Variants in PXDN observed in about 807,000 individuals in gnomAD.
PXDN encodes the protein peroxidasin, also known as peroxidasin homolog.
PXDN carries 77 observed loss-of-function variants against 140.3 expected under a neutral mutation model. The ratio of observed to expected loss-of-function variants is 0.55; its 90% CI spans 0.46 to 0.66. The LOEUF (loss-of-function observed/expected upper bound fraction) is 0.66. PXDN is among the 30% of genes least tolerant of loss of function. The pLI is 0.00. For missense variants in PXDN, 1,838 were observed against 2,039.5 expected (o/e 0.90, Z 1.90); for synonymous variants, 911 against 857.4 (o/e 1.06, Z -1.09).
chr2:1,697,773 G>A (rs1001254988), intron 1 of PXDN, among the ~76,000 whole-genome samples: 1 of 152,162 alleles, frequency 6.6e-6, no homozygotes, highest in African/African-American at 2.4e-5. Flanking sequence ...CAGATGTGGC[G>A]GCGTGGTCCT....
chr2:1,715,453 C>CT (rs1473716186), intron 1 of PXDN, among the ~76,000 whole-genome samples: 2 of 152,200 alleles, frequency 1.3e-5, no homozygotes, highest in Admixed American at 1.3e-4. Context: ...GAAGGGGGAA[C>CT]TCAACTCAGC....
chr2:1,663,434 G>C (rs1683352277), intron 12 of PXDN, among the ~76,000 whole-genome samples, 171 bp downstream of exon 12: 1 of 152,174 alleles, frequency 6.6e-6, no homozygotes, highest in Non-Finnish European at 1.5e-5. Flanking sequence ...GATTGAATGA[G>C]CTACTATGCA....
chr2:1,648,274 G>T lies in PXDN; in HGVS notation c.3506C>A (p.Pro1169His). The T allele has an allele frequency of 1.9e-6, 3 of 1,613,950 alleles. No individual in the cohort carries two copies. The highest frequency in any genetic ancestry group is 1.7e-6 in the Non-Finnish European group (2 of 1,179,886). Residue 1169 changes from proline (P) to histidine (H), a missense_variant, in exon 17 of 23, where the codon CCC becomes CAC. Pro to His is a moderately conservative substitution (Grantham distance 77). Around this residue, in one of 5 missense-constraint regions of PXDN, gnomAD observed 850 missense variants for 894.1 expected, o/e 0.95. Transcript: ENST00000252804. The surrounding 1 kb of genome is among the most constrained non-coding windows in gnomAD (Gnocchi z 8.9). ...IQRGRDHGIP[P>H]YHDYRVYCNL... ...GCAGTAGACCCTGTAGTCGTGGTAG[G>T]GTGGGATCCCGTGGTCCCGGCCCCG...
At position 1,660,016 on chromosome 2, in the gene PXDN, G is replaced by A. The variant is rs10439524; in HGVS notation, c.1837+865C>T. On this transcript the variant is annotated intron_variant, in intron 14 of 22. Transcript: ENST00000252804. This position sits in a 1 kb window ranked among gnomAD's most constrained non-coding sequence, Gnocchi z 4.6. ...CGGGGAGTGGGGTGATGGCCAGAGGGTCCTTTACCCCGTGAAGGGGGGTTT... is the reference window on the plus strand; with the variant it reads ...CGGGGAGTGGGGTGATGGCCAGAGGATCCTTTACCCCGTGAAGGGGGGTTT... Among the ~76,000 whole-genome samples the A allele has an allele frequency of 0.072, 10,994 of 152,220 alleles. 506 individuals carry two copies. The highest frequency in any genetic ancestry group is 0.1 in the Non-Finnish European group (6,933 of 68,006).
At chr2:1,655,039 C>T (rs1289743516) in intron 14 of PXDN, among the ~76,000 whole-genome samples, 3 of 151,550 alleles carry the variant, frequency 2.0e-5, no homozygotes, top group African/African-American at 4.9e-5. Context: ...CCACACACCA[C>T]ACACACACAA....
intron 1 of PXDN, among the ~76,000 whole-genome samples, chr2:1,717,166 G>C (rs561921139): frequency 6.6e-6 from 1 of 152,348 alleles, no homozygotes; most frequent in East Asian, 1.9e-4. Context: ...CTGGCCATGA[G>C]AAAGCTCCCT....
intron 21 of PXDN, among the ~76,000 whole-genome samples, chr2:1,637,723 T>C (rs1272142848): frequency 7.7e-6 from 1 of 129,276 alleles, no homozygotes; most frequent in Non-Finnish European, 1.7e-5. Context: ...GCCTGGGGGA[T>C]GTACACCTGG....
At chr2:1,634,933 C>A (rs1489490243) in intron 22 of PXDN, among the ~76,000 whole-genome samples, 2 of 152,236 alleles carry the variant, frequency 1.3e-5, no homozygotes, top group African/African-American at 4.8e-5. Context: ...GCACCCTCCA[C>A]CTGCCACCAG....
At chr2:1,713,367 T>C (rs1212538571) in intron 1 of PXDN, among the ~76,000 whole-genome samples, 3 of 152,206 alleles carry the variant, frequency 2.0e-5, no homozygotes, top group African/African-American at 4.8e-5. Context: ...CTTCCATCCC[T>C]GCGAAAAGAA....
intron 2 of PXDN, 33 bp from the exon 3 acceptor site, chr2:1,692,032 A>G: frequency 7.1e-7 from 1 of 1,406,924 alleles, no homozygotes; most frequent in Non-Finnish European, 9.6e-7. Flanking sequence ...ATTTTAAAAA[A>G]CAACAGAAAA....
chr2:1,742,447 G>C (rs1307926697), intron 1 of PXDN, among the ~76,000 whole-genome samples: 2 of 152,234 alleles, frequency 1.3e-5, no homozygotes, highest in African/African-American at 2.4e-5. Flanking sequence ...TCTACTCTCA[G>C]CTCCTTTTTC....
In PXDN at chr2:1,680,117, AGAT is replaced by A. The variant is rs1330336062; in HGVS notation, c.730+73_730+75del. The A allele has an allele frequency of 7.2e-6, 10 of 1,385,442 alleles. No homozygotes were observed. In the East Asian group the frequency reaches 2.3e-4, roughly 32 times the overall value. 85.8% of individuals were successfully genotyped at this position (1,385,442 alleles called of 1,614,324 possible). A position where few individuals can be genotyped will look rare whatever the true frequency, so the allele number is the denominator to read the frequency against. ...TGTGGTGTGTGGATGTTGTGTGTGT[AGAT>A]GGTGTGTGTGTGGATGGTGTGTGTG... On this transcript the variant is annotated intron_variant, in intron 7 of 22. Transcript: ENST00000252804.
At chr2:1,715,195 G>T (rs1202462964) in intron 1 of PXDN, among the ~76,000 whole-genome samples, 1 of 152,088 alleles carries the variant, frequency 6.6e-6, no homozygotes, top group Non-Finnish European at 1.5e-5. Flanking sequence ...ATTTCATTCT[G>T]CCCCAGAAAG....
intron 6 of PXDN, among the ~76,000 whole-genome samples, chr2:1,681,690 CA>C (rs1683911277): frequency 6.6e-6 from 1 of 152,086 alleles, no homozygotes; most frequent in Admixed American, 6.5e-5. Context: ...GCACAGCTCT[CA>C]GGTGAGGAGG....
At chr2:1,691,513 C>T (rs1297890150) in intron 3 of PXDN, among the ~76,000 whole-genome samples, 1 of 152,188 alleles carries the variant, frequency 6.6e-6, no homozygotes, top group Admixed American at 6.5e-5. Flanking sequence ...TTAGTTATTT[C>T]GAGTTTACAT....
At chr2:1,656,499 C>G (rs1049933323) in intron 14 of PXDN, among the ~76,000 whole-genome samples, 1 of 152,154 alleles carries the variant, frequency 6.6e-6, no homozygotes, top group Non-Finnish European at 1.5e-5. Context: ...GGACCTGCCC[C>G]CTCTTGACAG....
Position 1,666,716 on chromosome 2 carries a change from G to A in PXDN, c.1019-230C>T, listed in dbSNP as rs139135101. On this transcript the variant is annotated intron_variant, in intron 9 of 22. Transcript: ENST00000252804. ...GTGAGAAAAGTGAGCAACCATGATC[G>A]GTTAGGAAGAGCTAATTAGGAAGCG... Among the ~76,000 whole-genome samples the A allele has an allele frequency of 1.4e-4, 22 of 152,248 alleles. 1 individual carries two copies. The highest frequency in any genetic ancestry group is 4.6e-4 in the Admixed American group (7 of 15,290).
At chr2:1,740,506 G>A (rs980532009) in intron 1 of PXDN, among the ~76,000 whole-genome samples, 13 of 152,062 alleles carry the variant, frequency 8.5e-5, no homozygotes, top group Non-Finnish European at 8.8e-5. Flanking sequence ...GCCTGCAGGC[G>A]GGAGGAGACC....
chr2:1,709,563 G>T (rs1047253028), intron 1 of PXDN, among the ~76,000 whole-genome samples: 1 of 152,288 alleles, frequency 6.6e-6, no homozygotes, highest in African/African-American at 2.4e-5. Context: ...CACTCTGAAG[G>T]TTCCAAAGTC....
Sources: allele counts gnomAD v4.1 joint callset (sites outside exome capture counted in the v4.1 genomes callset), GRCh38; gene constraint gnomAD v4.1.1; regional missense constraint gnomAD v4.1.1; non-coding constraint Gnocchi (gnomAD v3.1); transcripts MANE v1.5; gene names NCBI Gene and HGNC (gene_info 2026-07-23, HGNC 2026-07-21).